Variants in AXDND1 observed in about 807,000 individuals in gnomAD.
The protein encoded by AXDND1 is axonemal dynein light chain domain-containing protein 1.
Under a neutral mutation model 137.5 loss-of-function variants are expected in AXDND1, and 110 were observed. The ratio of observed to expected loss-of-function variants is 0.80; its 90% CI spans 0.69 to 0.94. The LOEUF (loss-of-function observed/expected upper bound fraction) is 0.94. Ranked by LOEUF, AXDND1 falls within the 40% of genes least tolerant of loss-of-function variation. The pLI is 0.00. For missense variants in AXDND1, 1,191 were observed against 1,169.8 expected, an observed-to-expected ratio of 1.02 and a Z score of -0.26; for synonymous variants, 414 against 399.7, an observed-to-expected ratio of 1.04 and a Z score of -0.43.
intron 15 of AXDND1, among the ~76,000 whole-genome samples, chr1:179,433,655 C>T (rs544153962): frequency 6.6e-6 from 1 of 152,304 alleles, no homozygotes; most frequent in Non-Finnish European, 1.5e-5. Context: ...TGTTCAATTT[C>T]CATGCAGTTG....
At chr1:179,481,318 A>AT (rs564265509) in intron 17 of AXDND1, among the ~76,000 whole-genome samples, 14,075 of 151,952 alleles carry the variant, frequency 0.093, 925 homozygotes, top group African/African-American at 0.17. Flanking sequence ...TGAACTCATC[A>AT]TTTTTTACGG....
chr1:179,393,925 G>A lies in AXDND1; in HGVS notation c.886G>A (p.Asp296Asn). 1 of 1,611,342 alleles carries A rather than the reference G, an allele frequency of 6.2e-7. No homozygotes were observed. The highest frequency in any genetic ancestry group is 8.5e-7 in the Non-Finnish European group (1 of 1,179,074). Residue 296 changes from aspartate to asparagine, a missense_variant, in exon 10 of 26, where the codon GAC (aspartate) becomes AAC (asparagine). By Grantham distance (23) the Asp-to-Asn change is conservative (BLOSUM62 1). Transcript: ENST00000367618. ...KVRERYVQMLDQIARQMIDFY... is the reference protein window; with the variant it reads ...KVRERYVQMLNQIARQMIDFY... ...CAGAGAGAGGTATGTGCAAATGCTT[G>A]ACCAGATTGCTCGGCAGATGATTGA...
At chr1:179,413,171 A>G (rs1654155723) in intron 12 of AXDND1, among the ~76,000 whole-genome samples, 1 of 147,128 alleles carries the variant, frequency 6.8e-6, no homozygotes, top group Non-Finnish European at 1.5e-5. Context: ...ATTTACATAC[A>G]CTCGTGATAC....
At chr1:179,442,803 C>G (rs965175566) in intron 15 of AXDND1, among the ~76,000 whole-genome samples, 2 of 152,048 alleles carry the variant, frequency 1.3e-5, no homozygotes, top group African/African-American at 4.8e-5. Flanking sequence ...GTCCTGTGTT[C>G]GGATGCCACT....
At position 179,457,377 on chromosome 1, in the gene AXDND1, C is replaced by T. The variant is rs74439377; in HGVS notation, c.1799-11066C>T. ...GACTTTAATGATGCTTCTTCGGCGG[C>T]GTCCAGGGGCAGAAAGGCAAGACAG... On this transcript the variant is annotated intron_variant, in intron 16 of 25. Coordinates refer to ENST00000367618, the MANE Select transcript of AXDND1 (RefSeq NM_144696.6). 9.8e-3 allele frequency: 4,262 copies of T among 435,520 alleles called. 134 individuals carry two copies. Among genetic ancestry groups the T allele is most frequent in the Admixed American group, 0.068 (2,256 of 33,244 alleles). The allele number at this position is 435,520 out of a possible 1,614,324, so 27.0% of individuals were successfully genotyped here. A position where few individuals can be genotyped will look rare whatever the true frequency, so the allele number is the denominator to read the frequency against.
intron 20 of AXDND1, among the ~76,000 whole-genome samples, chr1:179,499,148 A>G (rs766299580): frequency 1.3e-5 from 2 of 152,164 alleles, no homozygotes; most frequent in Non-Finnish European, 2.9e-5. Context: ...CTGCTGTGCT[A>G]TTCACAAGAG....
chr1:179,388,992 T>G, intron 9 of AXDND1, among the ~76,000 whole-genome samples: 1 of 15,850 alleles, frequency 6.3e-5, no homozygotes. Context: ...TTTTTTTTTT[T>G]TGAGATGGAG....
chr1:179,551,376 CA>C lies in AXDND1; in HGVS notation c.3032-3135del, dbSNP rs775170915. 67 of 1,613,950 alleles carry C rather than the reference CA, an allele frequency of 4.2e-5. No individual in the cohort carries two copies. The highest frequency in any genetic ancestry group is 5.3e-5 in the African/African-American group (4 of 74,908). ...TGGAGGTATCGAAGCTGAACGGCAG[CA>C]GGGGTGCCTGACAGAATCTCAGCTG... On this transcript the variant is annotated intron_variant, in intron 25 of 25. Coordinates refer to ENST00000367618, the MANE Select transcript of AXDND1 (RefSeq NM_144696.6).
chr1:179,428,942 G>T (rs1447332453), intron 12 of AXDND1, among the ~76,000 whole-genome samples: 1 of 152,062 alleles, frequency 6.6e-6, no homozygotes, highest in Non-Finnish European at 1.5e-5. Context: ...ACTTTGGGAG[G>T]CCGAGGCAGG....
chr1:179,538,527 T>C (rs185179037), intron 25 of AXDND1, among the ~76,000 whole-genome samples: 1 of 152,344 alleles, frequency 6.6e-6, no homozygotes, highest in Admixed American at 6.5e-5. Flanking sequence ...AATCCTGAGT[T>C]CTAATTTGAT....
chr1:179,466,276 C>CTTT (rs1558222697), intron 16 of AXDND1, among the ~76,000 whole-genome samples: 12 of 121,360 alleles, frequency 9.9e-5, no homozygotes, highest in Non-Finnish European at 1.7e-4. Context: ...TTTCTTTCTT[C>CTTT]TTCTTCTTCT....
intron 18 of AXDND1, among the ~76,000 whole-genome samples, chr1:179,487,183 A>G (rs1412689752): frequency 6.7e-6 from 1 of 148,506 alleles, no homozygotes. Context: ...TTCAGAAAAA[A>G]CAGACATTTA....
intron 11 of AXDND1, among the ~76,000 whole-genome samples, chr1:179,401,828 C>T (rs1408960081): frequency 6.6e-6 from 1 of 151,996 alleles, no homozygotes. Context: ...TGTGAGGCCT[C>T]CCCAGCCACG....
At chr1:179,521,296 G>A (rs1174291576) in intron 21 of AXDND1, among the ~76,000 whole-genome samples, 3 of 151,962 alleles carry the variant, frequency 2.0e-5, no homozygotes, top group Non-Finnish European at 4.4e-5. Context: ...TTCTCTTACT[G>A]TATTTCTCTC....
At chr1:179,414,923 A>C (rs1478863866) in intron 12 of AXDND1, among the ~76,000 whole-genome samples, 1 of 152,068 alleles carries the variant, frequency 6.6e-6, no homozygotes, top group East Asian at 1.9e-4. Flanking sequence ...GTAACTGAGA[A>C]AATGTGTTAC....
chr1:179,410,996 A>T (rs556074008), intron 11 of AXDND1, 150 bp from the exon 12 acceptor site: 7 of 558,136 alleles, frequency 1.3e-5, no homozygotes, highest in Non-Finnish European at 2.1e-5. Flanking sequence ...ATGTGTTATC[A>T]ATATATTCAG....
chr1:179,435,437 A>T (rs116549825), intron 15 of AXDND1, among the ~76,000 whole-genome samples: 1,666 of 152,312 alleles, frequency 0.011, 49 homozygotes, highest in African/African-American at 0.038. Context: ...CCTGATTCAA[A>T]CTATGCTACA....
chr1:179,502,056 A>C (rs780567161), intron 20 of AXDND1, among the ~76,000 whole-genome samples: 10 of 152,242 alleles, frequency 6.6e-5, no homozygotes, highest in Non-Finnish European at 1.2e-4. Context: ...CTTATAACTG[A>C]CAAAGGACCA....
At chr1:179,376,706 T>C (rs1038732996) in intron 4 of AXDND1, among the ~76,000 whole-genome samples, 4 of 152,196 alleles carry the variant, frequency 2.6e-5, no homozygotes, top group African/African-American at 9.7e-5. Context: ...TGTTACAATG[T>C]CTTTATATTA....
Sources: allele counts gnomAD v4.1 joint callset (sites outside exome capture counted in the v4.1 genomes callset), GRCh38; gene constraint gnomAD v4.1.1; transcripts MANE v1.5; gene names NCBI Gene and HGNC (gene_info 2026-07-23, HGNC 2026-07-21).